PTPRM: variants seen among roughly 807,000 people sequenced by gnomAD.
The protein encoded by PTPRM is protein tyrosine phosphatase receptor type M.
In PTPRM, 47 loss-of-function variants were observed where a neutral mutation model predicts 186.7. That is an observed-to-expected ratio of 0.25 (90% CI 0.20 to 0.32). PTPRM has a LOEUF of 0.32. Among genes scored for constraint, PTPRM ranks in the 10% least tolerant of loss-of-function variants. The pLI, the probability that PTPRM is intolerant of heterozygous loss-of-function variation, is 1.00. For synonymous variants in PTPRM, 668 were observed against 674.9 expected, an observed-to-expected ratio of 0.99 and a Z score of 0.16; for missense variants, 1,494 against 1,865.0, an observed-to-expected ratio of 0.80 and a Z score of 3.66.
intron 31 of PTPRM, among the ~76,000 whole-genome samples, chr18:8,390,321 G>A (rs1344616007): frequency 6.6e-6 from 1 of 152,202 alleles, no homozygotes; most frequent in Non-Finnish European, 1.5e-5. Flanking sequence ...AAATAACAAA[G>A]CTTCTAGAAG....
intron 1 of PTPRM, among the ~76,000 whole-genome samples, chr18:7,590,090 C>T (rs1032181149): frequency 3.9e-5 from 6 of 152,136 alleles, no homozygotes; most frequent in African/African-American, 1.4e-4. Context: ...CTAGCAGAAG[C>T]GAGAGCATGG....
At chr18:8,345,558 A>G (rs968147515) in intron 23 of PTPRM, among the ~76,000 whole-genome samples, 1 of 152,062 alleles carries the variant, frequency 6.6e-6, no homozygotes, top group Non-Finnish European at 1.5e-5. Context: ...AATTCTGGTT[A>G]AAAATTGACG....
intron 1 of PTPRM, among the ~76,000 whole-genome samples, chr18:7,742,822 A>C (rs1422491336): frequency 6.6e-6 from 1 of 152,240 alleles, no homozygotes; most frequent in Non-Finnish European, 1.5e-5. Context: ...GAAATAGCCA[A>C]AGACAGCTTG....
chr18:8,387,026 T>A, intron 30 of PTPRM, 46 bp from the exon 31 acceptor site: 1 of 1,519,166 alleles, frequency 6.6e-7, no homozygotes, highest in Non-Finnish European at 9.1e-7. Context: ...CAGTAAATAA[T>A]GCCTGTTTTC....
chr18:8,054,899 TA>T (rs1292336047), intron 7 of PTPRM, among the ~76,000 whole-genome samples: 3 of 152,140 alleles, frequency 2.0e-5, no homozygotes, highest in African/African-American at 7.2e-5. Context: ...TTGCTACGTA[TA>T]TAGTTCTAAG....
chr18:8,267,368 G>A (rs904834567), intron 19 of PTPRM, among the ~76,000 whole-genome samples: 11 of 151,186 alleles, frequency 7.3e-5, no homozygotes, highest in African/African-American at 2.4e-4. Flanking sequence ...AAGCTTTCCA[G>A]GCCCAATTTT....
chr18:8,021,664 C>T (rs1203698427), intron 7 of PTPRM, among the ~76,000 whole-genome samples: 1 of 152,152 alleles, frequency 6.6e-6, no homozygotes, highest in African/African-American at 2.4e-5. Context: ...TTGCTGGCTT[C>T]CATCTTCACA....
intron 1 of PTPRM, among the ~76,000 whole-genome samples, chr18:7,666,403 A>C (rs936588367): frequency 1.3e-5 from 2 of 152,186 alleles, no homozygotes; most frequent in Admixed American, 1.3e-4. Context: ...TTTCACTGTA[A>C]CTGAACCTGA....
At chr18:8,194,440 G>A (rs567072213) in intron 14 of PTPRM, among the ~76,000 whole-genome samples, 42 of 152,330 alleles carry the variant, frequency 2.8e-4, no homozygotes, top group African/African-American at 7.9e-4. Context: ...AGAAAGTGAC[G>A]GCGGTGGAAA....
intron 7 of PTPRM, among the ~76,000 whole-genome samples, chr18:8,022,742 G>A (rs541056744): frequency 6.6e-6 from 1 of 152,134 alleles, no homozygotes; most frequent in Non-Finnish European, 1.5e-5. Context: ...AATAAGGCCT[G>A]TCCTTATCAA....
intron 1 of PTPRM, among the ~76,000 whole-genome samples, chr18:7,666,011 A>C (rs1467285024): frequency 6.6e-6 from 1 of 152,204 alleles, no homozygotes; most frequent in East Asian, 1.9e-4. Context: ...AAATTGACTG[A>C]TGGCAAATGA....
At chr18:8,389,919 G>C (rs1462749953) in intron 31 of PTPRM, among the ~76,000 whole-genome samples, 2 of 152,192 alleles carry the variant, frequency 1.3e-5, no homozygotes, top group East Asian at 3.8e-4. Flanking sequence ...GATATTCAAG[G>C]TAGGCAAATA....
At chr18:7,578,711 G>A (rs999328424) in intron 1 of PTPRM, among the ~76,000 whole-genome samples, 12 of 151,012 alleles carry the variant, frequency 7.9e-5, no homozygotes, top group Non-Finnish European at 1.3e-4. Context: ...GGGTTCAAGT[G>A]ATCCTCCCAC....
At chr18:8,328,943 T>C (rs1265742897) in intron 22 of PTPRM, among the ~76,000 whole-genome samples, 1 of 152,194 alleles carries the variant, frequency 6.6e-6, no homozygotes, top group Non-Finnish European at 1.5e-5. Flanking sequence ...ATGAGAACAT[T>C]TAAAGGAAGA....
At chr18:8,215,325 A>G (rs1042858771) in intron 14 of PTPRM, among the ~76,000 whole-genome samples, 7 of 152,166 alleles carry the variant, frequency 4.6e-5, no homozygotes, top group African/African-American at 1.7e-4. Context: ...CCTGCTTGGC[A>G]GAAACTTTTC....
At chr18:8,166,102 G>A (rs2093319841) in intron 14 of PTPRM, among the ~76,000 whole-genome samples, 1 of 152,174 alleles carries the variant, frequency 6.6e-6, no homozygotes, top group Admixed American at 6.5e-5. Flanking sequence ...CTAAGCACAT[G>A]ATAAATGTTT....
chr18:7,726,151 G>C (rs139971280), intron 1 of PTPRM, among the ~76,000 whole-genome samples: 1 of 152,232 alleles, frequency 6.6e-6, no homozygotes, highest in South Asian at 2.1e-4. Flanking sequence ...GCACCAGCAC[G>C]AGTGCACTCC....
chr18:7,818,593 A>T (rs572399433), intron 2 of PTPRM, among the ~76,000 whole-genome samples: 2 of 152,230 alleles, frequency 1.3e-5, no homozygotes, highest in African/African-American at 4.8e-5. Flanking sequence ...CTTGGACAGT[A>T]TTTAATCCTC....
At chr18:7,946,276 TTC>T (rs916183829) in intron 5 of PTPRM, among the ~76,000 whole-genome samples, 4 of 152,218 alleles carry the variant, frequency 2.6e-5, no homozygotes, top group African/African-American at 9.6e-5. Context: ...TGATAGATGC[TTC>T]TGTTTGGAAA....
Sources: gnomAD v4.1 joint callset for allele counts (sites outside exome capture counted in the v4.1 genomes callset) on GRCh38, gnomAD v4.1.1 for gene constraint, MANE v1.5 for transcripts, NCBI Gene and HGNC (gene_info 2026-07-23, HGNC 2026-07-21) for gene names.